Variants in HRH1 observed in about 807,000 individuals in gnomAD.
HRH1 encodes histamine receptor H1.
HRH1 carries 6 observed loss-of-function variants against 10.3 expected under a neutral mutation model. The ratio of observed to expected loss-of-function variants is 0.58; its 90% CI spans 0.32 to 1.15. The LOEUF (loss-of-function observed/expected upper bound fraction) is 1.15. Among genes scored for constraint, HRH1 ranks in the 50% most tolerant of loss-of-function variants. The pLI is 0.05. For synonymous variants in HRH1, 242 were observed against 236.7 expected, an observed-to-expected ratio of 1.02 and a Z score of -0.21; for missense variants, 514 against 615.3, an observed-to-expected ratio of 0.84 and a Z score of 1.74.
At chr3:11,215,298 A>G (rs1419064283) in intron 1 of HRH1, among the ~76,000 whole-genome samples, 2 of 152,242 alleles carry the variant, frequency 1.3e-5, no homozygotes, top group Non-Finnish European at 1.5e-5. Flanking sequence ...CTTACCATAT[A>G]TAATACAACT....
chr3:11,167,283 A>C (rs1229792944), intron 1 of HRH1, among the ~76,000 whole-genome samples: 60 of 90,662 alleles, frequency 6.6e-4, no homozygotes, highest in Admixed American at 1.5e-3. Flanking sequence ...TGTCCCCTGC[A>C]TTCTCCAGGC....
rs117644409 is a variant in HRH1 at position 11,169,367 on chromosome 3, G to A, written c.-36+14813G>A. 8.1e-4 allele frequency among the ~76,000 whole-genome samples: 123 copies of A among 152,276 alleles called. 3 individuals carry two copies. In the East Asian group the frequency reaches 0.02, roughly 25 times the overall value. On this transcript the variant is annotated intron_variant, in intron 1 of 1. Coordinates refer to ENST00000431010, the MANE Select transcript of HRH1 (RefSeq NM_001098212.2). ...TCCCTGCCAGCAGTTTGAAGTAGAC[G>A]CCTCATTGCCAGCTGCTGTCATGGA...
At chr3:11,180,803 G>A (rs1005640773) in intron 1 of HRH1, among the ~76,000 whole-genome samples, 3 of 152,106 alleles carry the variant, frequency 2.0e-5, no homozygotes, top group African/African-American at 7.2e-5. Flanking sequence ...ATTTATTGCT[G>A]AATAATATTT....
intron 1 of HRH1, among the ~76,000 whole-genome samples, chr3:11,206,258 C>G (rs1175585733): frequency 6.6e-6 from 1 of 152,238 alleles, no homozygotes; most frequent in East Asian, 1.9e-4. Flanking sequence ...GCCGGGACTA[C>G]AGGCACACGC....
chr3:11,168,339 C>T (rs1937087719), intron 1 of HRH1, among the ~76,000 whole-genome samples: 1 of 152,066 alleles, frequency 6.6e-6, no homozygotes, highest in Admixed American at 6.6e-5. Context: ...ACACTGAGAG[C>T]CTGCAGGGTT....
At chr3:11,218,814 G>T (rs756781953) in intron 1 of HRH1, among the ~76,000 whole-genome samples, 2 of 151,886 alleles carry the variant, frequency 1.3e-5, no homozygotes, top group African/African-American at 4.8e-5. Flanking sequence ...GACCTCAGGT[G>T]ATCTGCCCGC....
At chr3:11,181,788 C>T (rs530008787) in intron 1 of HRH1, among the ~76,000 whole-genome samples, 210 of 152,156 alleles carry the variant, frequency 1.4e-3, no homozygotes, top group African/African-American at 4.6e-3. Flanking sequence ...CCCGCCACTG[C>T]GCCCAGCTAA....
intron 1 of HRH1, among the ~76,000 whole-genome samples, chr3:11,208,989 C>T (rs1029983101): frequency 1.3e-5 from 2 of 152,138 alleles, no homozygotes; most frequent in African/African-American, 4.8e-5. Flanking sequence ...CATGAGATGC[C>T]AGTTTCCTTC....
chr3:11,243,395 C>G (rs1939400619), intron 1 of HRH1, among the ~76,000 whole-genome samples: 1 of 152,148 alleles, frequency 6.6e-6, no homozygotes, highest in African/African-American at 2.4e-5. Flanking sequence ...ATCCTCCATG[C>G]CCTGGAGTTG....
At chr3:11,208,347 T>G (rs1281792099) in intron 1 of HRH1, among the ~76,000 whole-genome samples, 1 of 152,174 alleles carries the variant, frequency 6.6e-6, no homozygotes, top group Non-Finnish European at 1.5e-5. Context: ...AGAGACAGTT[T>G]CGCCATGTTG....
At chr3:11,146,081 G>C (rs908986617) in intron 1 of HRH1, among the ~76,000 whole-genome samples, 32 of 152,166 alleles carry the variant, frequency 2.1e-4, no homozygotes, top group African/African-American at 7.5e-4. Flanking sequence ...ACTCAGAGTG[G>C]AATTTCTGGA....
At chr3:11,153,848 G>GA (rs1936709540), upstream of HRH1, among the ~76,000 whole-genome samples, 1 of 152,144 alleles carries the variant, frequency 6.6e-6, no homozygotes, top group Non-Finnish European at 1.5e-5. Context: ...CATTCATCAG[G>GA]ACGGGCTAGG....
chr3:11,199,714 G>T (rs1035900337), intron 1 of HRH1, among the ~76,000 whole-genome samples: 3 of 152,138 alleles, frequency 2.0e-5, no homozygotes, highest in African/African-American at 7.2e-5. Context: ...CATATTTGTC[G>T]CCTGCTGTTG....
chr3:11,233,277 CTGTT>C (rs143787107), intron 1 of HRH1, among the ~76,000 whole-genome samples: 8 of 151,994 alleles, frequency 5.3e-5, no homozygotes, highest in South Asian at 4.1e-4. Context: ...CCCTGGAGTT[CTGTT>C]TGTTTGTTTG....
In HRH1 at chr3:11,190,006, G is replaced by A. The variant is rs142466916; in HGVS notation, c.-36+35452G>A. Among the ~76,000 whole-genome samples the A allele has an allele frequency of 2.4e-3, 360 of 152,202 alleles. 1 individual carries two copies. Among genetic ancestry groups the A allele is most frequent in the Non-Finnish European group, 4.0e-3 (269 of 68,012 alleles). On this transcript the variant is annotated intron_variant, in intron 1 of 1. Coordinates refer to ENST00000431010, the MANE Select transcript of HRH1 (RefSeq NM_001098212.2). The stretch of plus-strand genomic sequence containing the variant: ...GTGTGGTAAAAATGCAGGAAATGTG[G>A]AGGAGAGGAATGCTATGCCTCTGAA...
At chr3:11,174,179 T>C (rs1387236584) in intron 1 of HRH1, among the ~76,000 whole-genome samples, 1 of 152,258 alleles carries the variant, frequency 6.6e-6, no homozygotes, top group Non-Finnish European at 1.5e-5. Flanking sequence ...TGAACTGTAG[T>C]TGTCTGTTAG....
chr3:11,158,172 A>G (rs1176642596), intron 1 of HRH1, among the ~76,000 whole-genome samples: 1 of 152,258 alleles, frequency 6.6e-6, no homozygotes, highest in Non-Finnish European at 1.5e-5. Flanking sequence ...TGTTATGAAC[A>G]GAATAAACAT....
intron 1 of HRH1, among the ~76,000 whole-genome samples, chr3:11,215,756 A>G (rs1370420743): frequency 6.6e-6 from 1 of 152,138 alleles, no homozygotes; most frequent in Non-Finnish European, 1.5e-5. Flanking sequence ...ACTGTGTTTT[A>G]CAAGTGGCAG....
chr3:11,170,547 A>G (rs1937132867), intron 1 of HRH1, among the ~76,000 whole-genome samples: 1 of 152,234 alleles, frequency 6.6e-6, no homozygotes, highest in Non-Finnish European at 1.5e-5. Context: ...ATGGGCGAGG[A>G]GCCCACTATG....
Sources: allele counts gnomAD v4.1 joint callset (sites outside exome capture counted in the v4.1 genomes callset), GRCh38; gene constraint gnomAD v4.1.1; transcripts MANE v1.5; gene names NCBI Gene and HGNC (gene_info 2026-07-23, HGNC 2026-07-21).